SULF1: variants seen among roughly 807,000 people sequenced by gnomAD.
SULF1 encodes sulfatase 1.
Under a neutral mutation model 110.5 loss-of-function variants are expected in SULF1, and 46 were observed. That is an observed-to-expected ratio of 0.42 (90% CI 0.33 to 0.53). The LOEUF (loss-of-function observed/expected upper bound fraction) is 0.53. Ranked by LOEUF, SULF1 falls within the 20% of genes least tolerant of loss-of-function variation. The pLI, the probability that SULF1 is intolerant of heterozygous loss-of-function variation, is 0.12. For synonymous variants in SULF1, 371 were observed against 387.1 expected (o/e 0.96, Z 0.49); for missense variants, 941 against 1,094.2 (o/e 0.86, Z 1.98).
intron 5 of SULF1, among the ~76,000 whole-genome samples, chr8:69,566,728 G>A (rs1190086022): frequency 6.6e-6 from 1 of 152,108 alleles, no homozygotes; most frequent in Non-Finnish European, 1.5e-5. Flanking sequence ...GCAGGCACCT[G>A]TAATCCCAGC....
At chr8:69,650,870 A>G (rs1432618020) in intron 22 of SULF1, among the ~76,000 whole-genome samples, 1 of 151,892 alleles carries the variant, frequency 6.6e-6, no homozygotes, top group Non-Finnish European at 1.5e-5. Flanking sequence ...GCCACTCCAC[A>G]TTTGGAAACA....
chr8:69,477,663 G>A (rs1809356348), intron 1 of SULF1, among the ~76,000 whole-genome samples: 1 of 152,170 alleles, frequency 6.6e-6, no homozygotes, highest in African/African-American at 2.4e-5. Flanking sequence ...ACAGTGGAAA[G>A]ATATTAGAAA....
In SULF1 at chr8:69,528,954, G is replaced by A. The variant is rs538062970; in HGVS notation, c.-134+26986G>A. Among the ~76,000 whole-genome samples, 6 of 152,288 alleles carry A rather than the reference G, an allele frequency of 3.9e-5. No individual in the cohort carries two copies. In the East Asian group the frequency reaches 1.2e-3, roughly 29 times the overall value. On this transcript the variant is annotated intron_variant, in intron 3 of 22. Transcript: ENST00000402687. ...ACTATAGCAGAGTTAAAATGTTTGG[G>A]TTGTGAAAATAAATTAGTAATGAAA... is the stretch of plus-strand genomic sequence containing the variant.
intron 3 of SULF1, among the ~76,000 whole-genome samples, chr8:69,513,237 C>T (rs1811698369): frequency 6.6e-6 from 1 of 152,200 alleles, no homozygotes; most frequent in Non-Finnish European, 1.5e-5. Flanking sequence ...GGCCAGTCCC[C>T]TTGTGGTAAA....
At chr8:69,648,702 C>G (rs1264680198) in intron 22 of SULF1, among the ~76,000 whole-genome samples, 1 of 152,226 alleles carries the variant, frequency 6.6e-6, no homozygotes, top group Non-Finnish European at 1.5e-5. Flanking sequence ...CTGCAGAAGT[C>G]AGCCTGTGTC....
At chr8:69,521,419 G>C (rs964968837) in intron 3 of SULF1, among the ~76,000 whole-genome samples, 2 of 152,114 alleles carry the variant, frequency 1.3e-5, no homozygotes, top group South Asian at 4.1e-4. Flanking sequence ...ATCAGGGTGG[G>C]TTGCAGTGTT....
At chr8:69,502,272 A>G (rs1016491794) in intron 3 of SULF1, among the ~76,000 whole-genome samples, 1 of 152,198 alleles carries the variant, frequency 6.6e-6, no homozygotes, top group Non-Finnish European at 1.5e-5. Context: ...TCAGGAAGGA[A>G]GCTCAGGGGA....
intron 3 of SULF1, among the ~76,000 whole-genome samples, chr8:69,550,243 C>A (rs1255320054): frequency 6.6e-6 from 1 of 151,862 alleles, no homozygotes; most frequent in Non-Finnish European, 1.5e-5. Flanking sequence ...GAACAGATCC[C>A]TAAACTTCCC....
In SULF1 at chr8:69,658,821, T is replaced by A. The variant is rs773164893; in HGVS notation, c.*286T>A. 8.3e-6 allele frequency: 5 copies of A among 599,732 alleles called. No homozygotes were observed. The highest frequency in any genetic ancestry group is 7.6e-5 in the South Asian group (5 of 65,864). 37.2% of individuals were successfully genotyped at this position (599,732 alleles called of 1,614,324 possible). ...CTGACTCAGATGAAGACCCAAGGCA[T>A]AAGGTTGGGAAAACACCTCATTTGA... is the stretch of plus-strand genomic sequence containing the variant. On this transcript the variant is annotated 3_prime_UTR_variant, in exon 23 of 23. Transcript: ENST00000402687.
intron 3 of SULF1, among the ~76,000 whole-genome samples, chr8:69,518,319 T>C (rs1211644215): frequency 6.6e-6 from 1 of 152,234 alleles, no homozygotes; most frequent in Non-Finnish European, 1.5e-5. Context: ...TCGAGCATAT[T>C]TGTAATAGCC....
intron 15 of SULF1, among the ~76,000 whole-genome samples, chr8:69,626,861 CCT>C (rs1316243219): frequency 1.3e-5 from 2 of 152,254 alleles, no homozygotes; most frequent in African/African-American, 4.8e-5. Context: ...TCCCTCCACA[CCT>C]CCCTGCAAGC....
In SULF1 at chr8:69,604,795, T is replaced by G; in HGVS notation, c.1248-8T>G. 6.2e-7 allele frequency: 1 copy of G among 1,614,002 alleles called. No individual in the cohort carries two copies. The highest frequency in any genetic ancestry group is 1.7e-4 in the Middle Eastern group (1 of 6,060). On this transcript the variant is annotated splice_polypyrimidine_tract_variant and splice_region_variant and intron_variant, in intron 12 of 22. Transcript: ENST00000402687. ...CTCATGTACGAAGCTTTTCCCTTTT[T>G]GTCGAAGCAAATTTCTACGTAAGAA...
intron 5 of SULF1, among the ~76,000 whole-genome samples, chr8:69,575,254 G>A (rs1805520464): frequency 6.7e-6 from 1 of 150,262 alleles, no homozygotes; most frequent in African/African-American, 2.4e-5. Context: ...GATCCTTAAA[G>A]TTAAAATGGA....
upstream of SULF1, among the ~76,000 whole-genome samples, chr8:69,488,982 G>A (rs1053540177): frequency 6.6e-6 from 1 of 152,170 alleles, no homozygotes; most frequent in African/African-American, 2.4e-5. Context: ...AGACCTGGTG[G>A]AGTGAGGCTG....
chr8:69,569,491 C>A (rs898145712), intron 5 of SULF1, among the ~76,000 whole-genome samples: 1 of 152,228 alleles, frequency 6.6e-6, no homozygotes, highest in Non-Finnish European at 1.5e-5. Flanking sequence ...ACACTGGGAT[C>A]CCCCACTACT....
At position 69,638,605 on chromosome 8, in the gene SULF1, C is replaced by G. The variant is rs1811233209; in HGVS notation, c.2388C>G (p.Gly796=). 6.2e-7 allele frequency: 1 copy of G among 1,613,790 alleles called. No homozygotes were observed. The highest frequency in any genetic ancestry group is 8.5e-7 in the Non-Finnish European group (1 of 1,180,002). ...TTCTTTTCTGTGAGTTTGCTACTGG[C>G]TTTTTGGAGTATTTTGATATGAATA... ...HNFLFCEFAT[G]FLEYFDMNTD... is the part of the protein sequence containing the mutation. The change falls in exon 20 of 23, where the codon GGC becomes GGG. Residue 796 remains glycine, a synonymous_variant. Coordinates refer to ENST00000402687, the MANE Select transcript of SULF1 (RefSeq NM_001128205.2).
At chr8:69,546,393 C>T (rs896339734) in intron 3 of SULF1, among the ~76,000 whole-genome samples, 1 of 152,190 alleles carries the variant, frequency 6.6e-6, no homozygotes, top group African/African-American at 2.4e-5. Context: ...AGCTATGATT[C>T]AAGCTGAGGT....
At chr8:69,604,965 A>G (rs977944178) in intron 13 of SULF1, 33 bp downstream of exon 13, 5 of 1,606,840 alleles carry the variant, frequency 3.1e-6, no homozygotes, top group African/African-American at 1.3e-5. Flanking sequence ...ACCACCACTC[A>G]TGTGCTTCTC....
rs759476751 is a variant in SULF1 at position 69,589,161 on chromosome 8, C to T, written c.734+20C>T. 3.1e-6 allele frequency: 5 copies of T among 1,606,504 alleles called. No individual in the cohort carries two copies. Among genetic ancestry groups the T allele is most frequent in the Non-Finnish European group, 4.3e-6 (5 of 1,174,584 alleles). On this transcript the variant is annotated intron_variant, in intron 8 of 22. Coordinates refer to ENST00000402687, the MANE Select transcript of SULF1 (RefSeq NM_001128205.2). ...ACACATGTAAGTAACAAACTCAACT[C>T]TGCGACCTGCCGAACATGCCTTTCC...
Sources: allele counts gnomAD v4.1 joint callset (sites outside exome capture counted in the v4.1 genomes callset), GRCh38; gene constraint gnomAD v4.1.1; transcripts MANE v1.5; gene names NCBI Gene and HGNC (gene_info 2026-07-23, HGNC 2026-07-21).